C6: variants seen among roughly 807,000 people sequenced by gnomAD.
C6 encodes complement component C6.
A neutral mutation model predicts 112.9 loss-of-function variants in C6; 101 were observed. That is an observed-to-expected ratio of 0.89 (90% CI 0.76 to 1.06). The LOEUF (loss-of-function observed/expected upper bound fraction) is 1.06. Ranked by LOEUF, C6 falls within the 50% of genes least tolerant of loss-of-function variation. The pLI is 0.00. For synonymous variants in C6, 431 were observed against 384.1 expected (o/e 1.12, Z -1.43); for missense variants, 1,202 against 1,104.6 (o/e 1.09, Z -1.25).
intron 9 of C6, among the ~76,000 whole-genome samples, chr5:41,163,230 C>T (rs1275260922): frequency 2.0e-5 from 3 of 150,360 alleles, no homozygotes; most frequent in Non-Finnish European, 3.0e-5. Context: ...GAAGCCACAT[C>T]GTAAGATGAA....
chr5:41,196,913 A>G (rs935413518), intron 4 of C6, among the ~76,000 whole-genome samples: 1 of 152,028 alleles, frequency 6.6e-6, no homozygotes, highest in African/African-American at 2.4e-5. Flanking sequence ...GCAATGACAG[A>G]TATCTCCTCT....
chr5:41,142,722 T>TCCAGCAAAACTCAC lies in C6; in HGVS notation c.*102_*103insGTGAGTTTTGCTGG. 1.1e-6 allele frequency: 1 copy of TCCAGCAAAACTCAC among 915,066 alleles called. No homozygotes were observed. Among genetic ancestry groups the TCCAGCAAAACTCAC allele is most frequent in the Non-Finnish European group, 1.8e-6 (1 of 548,920 alleles). The allele number at this position is 915,066 out of a possible 1,614,324, so 56.7% of individuals were successfully genotyped here. On this transcript the variant is annotated 3_prime_UTR_variant, in exon 18 of 18. Coordinates refer to ENST00000337836, the MANE Select transcript of C6 (RefSeq NM_000065.5). ...CAGAAAATAATTTTTGTCAGTAACTTTGAGCATGCCAGTCTGCTGTTTGTG... is the reference window on the plus strand; with the variant it reads ...CAGAAAATAATTTTTGTCAGTAACTTCCAGCAAAACTCACTGAGCATGCCAGTCTGCTGTTTGTG...
At position 41,159,202 on chromosome 5, in the gene C6, G is replaced by T. The variant is rs1260831972; in HGVS notation, c.1736C>A (p.Ala579Asp). The T allele has an allele frequency of 6.2e-7, 1 of 1,613,416 alleles. No homozygotes were observed. Among genetic ancestry groups the T allele is most frequent in the Non-Finnish European group, 8.5e-7 (1 of 1,179,670 alleles). ...TCGGGTTCTCGATCTCTTATAAGTA[G>T]CATCACAGGTACTCCAGGAAGACCA... ...GCWSSWSTCDATYKRSRTREC... is the reference protein window; with the variant it reads ...GCWSSWSTCDDTYKRSRTREC... The change falls in exon 12 of 18, where the codon GCT (alanine) becomes GAT (aspartate). Residue 579 changes from alanine to aspartate, a missense_variant. Transcript: ENST00000337836.
At chr5:41,223,608 C>T (rs566871145) in intron 1 of C6, among the ~76,000 whole-genome samples, 8 of 152,190 alleles carry the variant, frequency 5.3e-5, no homozygotes, top group African/African-American at 1.4e-4. Context: ...GGGTGAGAAG[C>T]AGTTTATTTT....
At chr5:41,188,333 A>G (rs1289499398) in intron 5 of C6, among the ~76,000 whole-genome samples, 1 of 152,148 alleles carries the variant, frequency 6.6e-6, no homozygotes, top group Non-Finnish European at 1.5e-5. Flanking sequence ...AGAAAGAAGG[A>G]CAAAGTTCAA....
intron 12 of C6, 137 bp from the exon 13 acceptor site, chr5:41,158,922 G>T (rs1346899066): frequency 5.1e-5 from 55 of 1,079,040 alleles, no homozygotes; most frequent in Non-Finnish European, 6.3e-5. Context: ...CACAGAAAAA[G>T]GCACGGCAGT....
rs1741742519 is a variant in C6 at position 41,160,297 on chromosome 5, G to A, written c.1529C>T (p.Ala510Val). 6.2e-7 allele frequency: 1 copy of A among 1,613,894 alleles called. No homozygotes were observed. The highest frequency in any genetic ancestry group is 1.1e-5 in the South Asian group (1 of 91,090). Residue 510 changes from alanine (A) to valine (V), a missense_variant, in exon 11 of 18, where the codon GCT becomes GTT. Physicochemically the swap from Ala to Val is moderately conservative, Grantham distance 64. Transcript: ENST00000337836. The stretch of plus-strand genomic sequence containing the variant: ...GAACTTGGCTGCATACTCTTGCAAA[G>A]CTTTCCTGAGGTTGTTCCGTTTTGT... Reference protein sequence around the residue: ...AVTKRNNLRKALQEYAAKFDP... With the variant: ...AVTKRNNLRKVLQEYAAKFDP...
At chr5:41,175,503 G>A (rs2150309452) in intron 8 of C6, among the ~76,000 whole-genome samples, 1 of 152,300 alleles carries the variant, frequency 6.6e-6, no homozygotes, top group East Asian at 1.9e-4. Flanking sequence ...GAGATGGAAT[G>A]TGAGAAGGTT....
chr5:41,200,891 G>GTTGTTTT lies in C6; in HGVS notation c.300+666_300+667insAAAACAA, dbSNP rs1447605950. Among the ~76,000 whole-genome samples, 51 of 70,656 alleles carry GTTGTTTT rather than the reference G, an allele frequency of 7.2e-4. 2 individuals carry two copies. The highest frequency in any genetic ancestry group is 5.4e-4 in the Non-Finnish European group (22 of 40,872). The allele number at this position is 70,656 out of a possible 152,430, so 46.4% of individuals were successfully genotyped here. On this transcript the variant is annotated intron_variant, in intron 3 of 17. Transcript: ENST00000337836. ...TGTTTTTGTTGTTGTTGTTGTTGTT[G>GTTGTTTT]TTTTTTTTTTTTTTTTTTTTTTTTT... is the stretch of plus-strand genomic sequence containing the variant.
rs1403309645 is a variant in C6, at chr5:41,210,096, G to A, written c.-21+3280C>T. 2.6e-5 allele frequency among the ~76,000 whole-genome samples: 4 copies of A among 152,272 alleles called. No homozygotes were observed. The East Asian group carries it at 7.7e-4, about 29-fold the overall frequency. The stretch of plus-strand genomic sequence containing the variant: ...CAGCCATCTGATCTTTGACAAATCT[G>A]ACAAAAACAAGCAATGGGGAAAGGA... On this transcript the variant is annotated intron_variant, in intron 1 of 17. Transcript: ENST00000337836.
chr5:41,234,960 T>C (rs1031471424), intron 1 of C6, among the ~76,000 whole-genome samples: 40 of 152,004 alleles, frequency 2.6e-4, no homozygotes, highest in African/African-American at 9.4e-4. Flanking sequence ...TGGCTGAGAT[T>C]TGTCCTTCTA....
intron 9 of C6, among the ~76,000 whole-genome samples, chr5:41,170,672 G>C (rs887490809): frequency 2.0e-5 from 3 of 151,936 alleles, no homozygotes; most frequent in Non-Finnish European, 4.4e-5. Flanking sequence ...CCATCTACCT[G>C]TTCTGATATC....
intron 15 of C6, among the ~76,000 whole-genome samples, chr5:41,150,611 G>T (rs939134229): frequency 4.6e-5 from 7 of 152,100 alleles, no homozygotes; most frequent in Non-Finnish European, 8.8e-5. Context: ...GGCAGTGGTC[G>T]GGCATAGTGG....
rs146027103 is a variant in C6 at position 41,145,458 on chromosome 5, G to T, written c.2624-2452C>A. Among the ~76,000 whole-genome samples, 15 of 152,250 alleles carry T rather than the reference G, an allele frequency of 9.9e-5. No homozygotes were observed. In the East Asian group the frequency reaches 2.7e-3, roughly 27 times the overall value. On this transcript the variant is annotated intron_variant, in intron 17 of 17. Coordinates refer to ENST00000337836, the MANE Select transcript of C6 (RefSeq NM_000065.5). ...CATGCAGGTATAAGTGTACAAAAAA[G>T]AAATTTATTTAATGGATCTGGAATA...
chr5:41,188,606 G>T (rs559071799), intron 5 of C6, among the ~76,000 whole-genome samples: 22 of 151,976 alleles, frequency 1.4e-4, no homozygotes, highest in African/African-American at 4.8e-4. Context: ...CTCACATAAT[G>T]CAAAAAAATT....
intron 1 of C6, among the ~76,000 whole-genome samples, chr5:41,210,808 C>T (rs570425430): frequency 6.6e-6 from 1 of 152,256 alleles, no homozygotes; most frequent in South Asian, 2.1e-4. Context: ...ACTAGTTCAA[C>T]CATTGTGGAA....
intron 1 of C6, among the ~76,000 whole-genome samples, chr5:41,255,710 A>G (rs1653101638): frequency 6.6e-6 from 1 of 152,220 alleles, no homozygotes; most frequent in African/African-American, 2.4e-5. Context: ...TACGTGCTAT[A>G]GGTCTGTCAA....
intron 1 of C6, among the ~76,000 whole-genome samples, chr5:41,209,672 C>A (rs1751734158): frequency 6.6e-6 from 1 of 152,112 alleles, no homozygotes; most frequent in Non-Finnish European, 1.5e-5. Context: ...ATGTGAAGGA[C>A]CTCTTCAAGG....
intron 7 of C6, among the ~76,000 whole-genome samples, chr5:41,180,975 G>A (rs1749284246): frequency 6.6e-6 from 1 of 151,712 alleles, no homozygotes; most frequent in South Asian, 2.1e-4. Flanking sequence ...ATATGTATTT[G>A]TATATGTGTA....
Sources: gnomAD v4.1 joint callset for allele counts (sites outside exome capture counted in the v4.1 genomes callset) on GRCh38, gnomAD v4.1.1 for gene constraint, MANE v1.5 for transcripts, NCBI Gene and HGNC (gene_info 2026-07-23, HGNC 2026-07-21) for gene names.